The following KCNH3 variants were observed in gnomAD, a reference collection of about 807,000 sequenced individuals.
KCNH3 encodes voltage-gated inwardly rectifying potassium channel KCNH3.
Under a neutral mutation model 95.6 loss-of-function variants are expected in KCNH3, and 36 were observed. That is an observed-to-expected ratio of 0.38 (90% CI 0.29 to 0.50). The LOEUF (loss-of-function observed/expected upper bound fraction) is 0.50, where lower values mean the gene tolerates loss of function less well. Among genes scored for constraint, KCNH3 ranks in the 20% least tolerant of loss-of-function variants. The pLI is 0.95. For synonymous variants in KCNH3, 620 were observed against 646.3 expected, an observed-to-expected ratio of 0.96 and a Z score of 0.62; for missense variants, 1,030 against 1,484.1, an observed-to-expected ratio of 0.69 and a Z score of 5.03.
Position 49,544,288 on chromosome 12 carries a change from C to T in KCNH3, c.1095C>T (p.Ala365=), listed in dbSNP as rs148457057. ...CCGTGGTGCTGACACTGCTCATGGC[C>T]GTGTTCGCCCTGCTCGCGCACTGGG... ...YSAVVLTLLM[A]VFALLAHWVA... is the part of the protein sequence containing the mutation. Residue 365 remains alanine, a synonymous_variant, in exon 7 of 15, where the codon GCC becomes GCT. Transcript: ENST00000257981. 11 of 1,611,912 alleles carry T rather than the reference C, an allele frequency of 6.8e-6. No homozygotes were observed. The highest frequency in any genetic ancestry group is 4.4e-5 in the South Asian group (4 of 90,876).
intron 7 of KCNH3, among the ~76,000 whole-genome samples, chr12:49,548,219 A>AGGTACCAGT (rs1938134217): frequency 6.6e-6 from 1 of 151,884 alleles, no homozygotes; most frequent in Non-Finnish European, 1.5e-5. Context: ...GACAGTGTGT[A>AGGTACCAGT]GGTACCAGTG....
rs761019298 is a variant in KCNH3 at position 49,543,363 on chromosome 12, T to C, written c.668T>C (p.Leu223Pro). 1.2e-6 allele frequency: 2 copies of C among 1,613,500 alleles called. No homozygotes were observed. The highest frequency in any genetic ancestry group is 2.2e-5 in the South Asian group (2 of 91,084). Residue 223 changes from leucine to proline, a missense_variant, in exon 5 of 15, where the codon CTG becomes CCG. Physicochemically the swap from Leu to Pro is moderately conservative, Grantham distance 98. Transcript: ENST00000257981. ...SPFILLHCGALRATWDGFILL... is the reference protein window; with the variant it reads ...SPFILLHCGAPRATWDGFILL... ...TTCATCCTGTTGCACTGTGGGGCAC[T>C]GAGAGCCACCTGGGATGGCTTCATC... is the stretch of plus-strand genomic sequence containing the variant.
chr12:49,554,188 C>T, intron 10 of KCNH3, 149 bp from the exon 11 acceptor site: 1 of 673,774 alleles, frequency 1.5e-6, no homozygotes, highest in East Asian at 2.6e-5. Flanking sequence ...ATGTCCCAGG[C>T]CTCTTTGCTC....
chr12:49,543,568 C>G (rs767107009), intron 5 of KCNH3, 50 bp downstream of exon 5: 14 of 1,570,342 alleles, frequency 8.9e-6, no homozygotes, highest in Non-Finnish European at 1.0e-5. Flanking sequence ...CGCCCTGGGG[C>G]TTTGCTGGGG....
At chr12:49,540,368 C>G (rs1937832512) in intron 1 of KCNH3, among the ~76,000 whole-genome samples, 1 of 152,230 alleles carries the variant, frequency 6.6e-6, no homozygotes, top group African/African-American at 2.4e-5. Context: ...CTTACACCCC[C>G]ATTCTTGATC....
Position 49,541,880 on chromosome 12 carries a change from C to T in KCNH3, c.445+116C>T, listed in dbSNP as rs1351766960. 4.5e-6 allele frequency: 5 copies of T among 1,104,424 alleles called. No individual in the cohort carries two copies. The East Asian group carries it at 9.4e-5, about 21-fold the overall frequency. 68.4% of individuals were successfully genotyped at this position (1,104,424 alleles called of 1,614,324 possible). A position where few individuals can be genotyped will look rare whatever the true frequency, so the allele number is the denominator to read the frequency against. ...TGCACCTGCATTCATTTCACTCCCA[C>T]TCAGGCTGCCTGAGAGGCCTGTGCT... On this transcript the variant is annotated intron_variant, in intron 3 of 14. Coordinates refer to ENST00000257981, the MANE Select transcript of KCNH3 (RefSeq NM_012284.3).
In KCNH3 at chr12:49,557,208, T is replaced by C. The variant is rs528808742; in HGVS notation, c.2601T>C (p.His867=). 6 of 1,613,380 alleles carry C rather than the reference T, an allele frequency of 3.7e-6. No homozygotes were observed. The highest frequency in any genetic ancestry group is 4.2e-6 in the Non-Finnish European group (5 of 1,179,794). ...GPESGLLTVP[H]GPSEARNTDT... ...AGAGCGGCCTGCTCACTGTTCCCCA[T>C]GGGCCCAGCGAGGCAAGGAACACAG... The change falls in exon 14 of 15, where the codon CAT becomes CAC. Residue 867 remains histidine, a synonymous_variant. Coordinates refer to ENST00000257981, the MANE Select transcript of KCNH3 (RefSeq NM_012284.3).
At position 49,549,060 on chromosome 12, in the gene KCNH3, A is replaced by T. The variant is rs1266255212; in HGVS notation, c.1355A>T (p.Tyr452Phe). 1 of 1,612,352 alleles carries T rather than the reference A, an allele frequency of 6.2e-7. No homozygotes were observed. The highest frequency in any genetic ancestry group is 8.5e-7 in the Non-Finnish European group (1 of 1,179,782). Reference protein sequence around the residue: ...LLGGPSLRSAYITSLYFALSS... With the variant: ...LLGGPSLRSAFITSLYFALSS... Reference sequence around the variant, plus strand: ...GGCGGCCCGTCGCTGCGCAGCGCCTACATCACCTCCCTCTACTTCGCACTC... The same window carrying T: ...GGCGGCCCGTCGCTGCGCAGCGCCTTCATCACCTCCCTCTACTTCGCACTC... The change falls in exon 8 of 15, where the codon TAC (tyrosine) becomes TTC (phenylalanine). Residue 452 changes from tyrosine (Y) to phenylalanine (F), a missense_variant. By Grantham distance (22) the Tyr-to-Phe change is conservative. Coordinates refer to ENST00000257981, the MANE Select transcript of KCNH3 (RefSeq NM_012284.3).
At chr12:49,554,595 C>A in intron 11 of KCNH3, 41 bp downstream of exon 11, 2 of 1,553,022 alleles carry the variant, frequency 1.3e-6, no homozygotes, top group Non-Finnish European at 8.8e-7. Context: ...ATGGGGGTGC[C>A]AGGGAGCCTG....
chr12:49,545,382 C>T (rs1324231840), intron 7 of KCNH3, among the ~76,000 whole-genome samples: 2 of 150,946 alleles, frequency 1.3e-5, no homozygotes, highest in Non-Finnish European at 1.5e-5. Context: ...GACATTTAGC[C>T]GGGTTTCCAG....
Position 49,557,980 on chromosome 12 carries a change from C to T in KCNH3, c.*27C>T, listed in dbSNP as rs1201338391. 1 of 1,450,748 alleles carries T rather than the reference C, an allele frequency of 6.9e-7. No homozygotes were observed. The highest frequency in any genetic ancestry group is 2.4e-5 in the East Asian group (1 of 42,442). The allele number at this position is 1,450,748 out of a possible 1,614,324, so 89.9% of individuals were successfully genotyped here. ...TACCAGCCCTAGAACTCAGCGTTGCCAGGTGTGCTGCCATCTGCTGTTCGG... is the reference window on the plus strand; with the variant it reads ...TACCAGCCCTAGAACTCAGCGTTGCTAGGTGTGCTGCCATCTGCTGTTCGG... On this transcript the variant is annotated 3_prime_UTR_variant, in exon 15 of 15. Transcript: ENST00000257981.
In KCNH3 at chr12:49,558,276, TA is replaced by T. The variant is rs758009806; in HGVS notation, c.*335del. The T allele has an allele frequency of 0.056, 16,141 of 290,104 alleles. 26 individuals carry two copies. The highest frequency in any genetic ancestry group is 0.094 in the East Asian group (1,765 of 18,700). The allele number at this position is 290,104 out of a possible 1,614,324, so 18.0% of individuals were successfully genotyped here. On this transcript the variant is annotated 3_prime_UTR_variant, in exon 15 of 15. Coordinates refer to ENST00000257981, the MANE Select transcript of KCNH3 (RefSeq NM_012284.3). ...TCTACCTGTCCCCAAATTTTTATAT[TA>T]AAAAAAAAAAATAAAATAAACTACT...
Position 49,558,246 on chromosome 12 carries a change from C to T in KCNH3, c.*293C>T. On this transcript the variant is annotated 3_prime_UTR_variant, in exon 15 of 15. Coordinates refer to ENST00000257981, the MANE Select transcript of KCNH3 (RefSeq NM_012284.3). ...GCTTTGCCATCCCCTGCATGTGCCC[C>T]TGCCTCTACCTGTCCCCAAATTTTT... 2.5e-6 allele frequency: 1 copy of T among 396,974 alleles called. No homozygotes were observed. The highest frequency in any genetic ancestry group is 6.4e-4 in the Middle Eastern group (1 of 1,562). The allele number at this position is 396,974 out of a possible 1,614,324, so 24.6% of individuals were successfully genotyped here. A position where few individuals can be genotyped will look rare whatever the true frequency, so the allele number is the denominator to read the frequency against.
chr12:49,548,114 GT>G (rs1938126138), intron 7 of KCNH3, among the ~76,000 whole-genome samples: 1 of 151,890 alleles, frequency 6.6e-6, no homozygotes, highest in South Asian at 2.1e-4. Flanking sequence ...GTGTGTGTGT[GT>G]GTGTGTGTGT....
chr12:49,542,269 C>G (rs1278491514), intron 3 of KCNH3, among the ~76,000 whole-genome samples: 1 of 152,232 alleles, frequency 6.6e-6, no homozygotes, highest in Non-Finnish European at 1.5e-5. Flanking sequence ...CTCGCGTACT[C>G]CCAGTGCTGG....
At chr12:49,546,351 G>A (rs1432232722) in intron 7 of KCNH3, 2 of 152,152 alleles carry the variant, frequency 1.3e-5, no homozygotes, top group Non-Finnish European at 2.9e-5. Flanking sequence ...TCTTTCTCCA[G>A]GGAATCTGCC....
At chr12:49,548,556 G>A (rs1290236348) in intron 7 of KCNH3, among the ~76,000 whole-genome samples, 1 of 152,158 alleles carries the variant, frequency 6.6e-6, no homozygotes, top group Non-Finnish European at 1.5e-5. Flanking sequence ...CATCTTTTGG[G>A]GTTGAGGCTG....
At chr12:49,556,268 C>A in intron 12 of KCNH3, 102 bp from the exon 13 acceptor site, 2 of 859,546 alleles carry the variant, frequency 2.3e-6, no homozygotes, top group Non-Finnish European at 3.9e-6. Flanking sequence ...CAGTTCCACG[C>A]TCCTGCAGCC....
intron 7 of KCNH3, among the ~76,000 whole-genome samples, chr12:49,548,133 T>C (rs7978705): frequency 0.33 from 48,704 of 146,312 alleles, 9,229 homozygotes; most frequent in Non-Finnish European, 0.43. Context: ...TGTGTGTGTG[T>C]GCGCGCGCAC....
Sources: gnomAD v4.1 joint callset for allele counts (sites outside exome capture counted in the v4.1 genomes callset) on GRCh38, gnomAD v4.1.1 for gene constraint, MANE v1.5 for transcripts, NCBI Gene and HGNC (gene_info 2026-07-23, HGNC 2026-07-21) for gene names.